UBE2E3: variants seen among roughly 807,000 people sequenced by gnomAD.
The protein encoded by UBE2E3 is ubiquitin conjugating enzyme E2 E3, also known as ubiquitin-conjugating enzyme E2 E3.
A neutral mutation model predicts 23.6 loss-of-function variants in UBE2E3; 5 were observed. The ratio of observed to expected loss-of-function variants is 0.21; its 90% CI spans 0.11 to 0.44. The LOEUF (loss-of-function observed/expected upper bound fraction) is 0.44, where lower values mean the gene tolerates loss of function less well. UBE2E3 is among the 20% of genes least tolerant of loss of function. The probability of loss-of-function intolerance (pLI) is 0.99; values close to 1 mark genes in which losing one functional copy is unlikely to be tolerated. For missense variants in UBE2E3, 81 were observed against 249.8 expected, an observed-to-expected ratio of 0.32 and a Z score of 4.55; for synonymous variants, 78 against 87.5, an observed-to-expected ratio of 0.89 and a Z score of 0.60.
intron 3 of UBE2E3, among the ~76,000 whole-genome samples, chr2:181,046,064 C>T (rs182599426): frequency 6.6e-6 from 1 of 152,236 alleles, no homozygotes; most frequent in Admixed American, 6.5e-5. Flanking sequence ...CTGTTCATCA[C>T]TGTATTTTCA....
chr2:181,036,533 G>C (rs115632917), intron 3 of UBE2E3, among the ~76,000 whole-genome samples: 2 of 152,186 alleles, frequency 1.3e-5, no homozygotes, highest in African/African-American at 4.8e-5. Flanking sequence ...TTTCAGAGAT[G>C]TGCATGTTAA....
intron 2 of UBE2E3, among the ~76,000 whole-genome samples, chr2:180,982,790 A>G (rs1684343743): frequency 3.3e-5 from 5 of 152,214 alleles, no homozygotes; most frequent in Admixed American, 3.3e-4. Flanking sequence ...TCCTGGTTAA[A>G]TTATGATTAT....
chr2:181,041,707 ATTG>A (rs1559132463), intron 3 of UBE2E3, among the ~76,000 whole-genome samples: 74 of 8,150 alleles, frequency 9.1e-3, no homozygotes, highest in African/African-American at 0.055. Context: ...GAGTGCTGGG[ATTG>A]ATTACAGGTG....
intron 3 of UBE2E3, among the ~76,000 whole-genome samples, chr2:181,029,812 G>C (rs922433310): frequency 6.7e-6 from 1 of 149,238 alleles, no homozygotes; most frequent in African/African-American, 2.5e-5. Context: ...TGTTTGAAAA[G>C]GTATTCTTTA....
At chr2:181,018,426 A>T (rs1448477802) in intron 3 of UBE2E3, among the ~76,000 whole-genome samples, 1 of 151,972 alleles carries the variant, frequency 6.6e-6, no homozygotes, top group Non-Finnish European at 1.5e-5. Flanking sequence ...GTGTATACAT[A>T]TATATTTGGC....
intron 3 of UBE2E3, among the ~76,000 whole-genome samples, chr2:180,991,948 C>T (rs1052339048): frequency 3.9e-5 from 6 of 152,190 alleles, no homozygotes; most frequent in African/African-American, 1.4e-4. Context: ...CCTAGAGTAG[C>T]TGGAACTGTG....
At chr2:180,989,068 TAATA>T (rs1293567508) in intron 3 of UBE2E3, among the ~76,000 whole-genome samples, 2 of 152,200 alleles carry the variant, frequency 1.3e-5, no homozygotes, top group East Asian at 3.8e-4. Context: ...GTTTTATTGT[TAATA>T]AATTCATTTT....
intron 3 of UBE2E3, among the ~76,000 whole-genome samples, chr2:181,034,351 G>A (rs1020360855): frequency 2.6e-5 from 4 of 152,126 alleles, no homozygotes; most frequent in Non-Finnish European, 4.4e-5. Flanking sequence ...GCAGCCATAA[G>A]AAAGGATGAG....
At chr2:181,044,352 CTA>C (rs1686607593) in intron 3 of UBE2E3, among the ~76,000 whole-genome samples, 1 of 152,032 alleles carries the variant, frequency 6.6e-6, no homozygotes, top group South Asian at 2.1e-4. Context: ...GATGAAATCT[CTA>C]AGCGATAAAT....
At chr2:181,055,982 G>A (rs1168972703) in intron 3 of UBE2E3, among the ~76,000 whole-genome samples, 1 of 150,718 alleles carries the variant, frequency 6.6e-6, no homozygotes, top group Non-Finnish European at 1.5e-5. Context: ...CTCAGATCTT[G>A]GTTTTTCTTA....
At chr2:181,030,229 TTATC>T (rs1686033913) in intron 3 of UBE2E3, among the ~76,000 whole-genome samples, 1 of 152,146 alleles carries the variant, frequency 6.6e-6, no homozygotes, top group Admixed American at 6.5e-5. Flanking sequence ...AATGAATACT[TTATC>T]TACTAAAGTA....
In UBE2E3 at chr2:180,982,208, A is replaced by G; in HGVS notation, c.166A>G (p.Thr56Ala). The change falls in exon 2 of 6, where the codon ACT becomes GCT. Residue 56 changes from threonine (T) to alanine (A), a missense_variant. Coordinates refer to ENST00000410062, the MANE Select transcript of UBE2E3 (RefSeq NM_006357.4). Reference sequence around the variant, plus strand: ...AAACACCAAACTCTCTAGCAAAACCACTGCTAAGTTATCCACTAGTGCTAA... The same window carrying G: ...AAACACCAAACTCTCTAGCAAAACCGCTGCTAAGTTATCCACTAGTGCTAA... ...KKNTKLSSKT[T>A]AKLSTSAKRI... is the part of the protein sequence containing the mutation. 2 of 1,611,576 alleles carry G rather than the reference A, an allele frequency of 1.2e-6. No individual in the cohort carries two copies. The highest frequency in any genetic ancestry group is 1.7e-6 in the Non-Finnish European group (2 of 1,179,134).
chr2:180,981,810 CTAACTTGAGTTCGGCAAATCCCT>C (rs1171140565), intron 1 of UBE2E3, among the ~76,000 whole-genome samples, 185 bp from the exon 2 acceptor site: 5 of 152,204 alleles, frequency 3.3e-5, no homozygotes, highest in African/African-American at 1.2e-4. Flanking sequence ...AGTGGGTTTT[CTAACTTGAGTTCGGCAAATCCCT>C]TAACGCTGGC....
At chr2:181,033,889 A>G (rs1415204675) in intron 3 of UBE2E3, among the ~76,000 whole-genome samples, 1 of 152,234 alleles carries the variant, frequency 6.6e-6, no homozygotes, top group Admixed American at 6.5e-5. Flanking sequence ...CACTTCTCAA[A>G]AGAAGACATT....
At chr2:181,041,234 C>CAAAAAAAAAGAAAAAA (rs1686490299) in intron 3 of UBE2E3, among the ~76,000 whole-genome samples, 1 of 77,196 alleles carries the variant, frequency 1.3e-5, no homozygotes, top group African/African-American at 5.3e-5. Context: ...GACTCCGTCT[C>CAAAAAAAAAGAAAAAA]AAAAAAAAAA....
Position 181,050,049 on chromosome 2 carries a change from A to C in UBE2E3, c.246-7644A>C, listed in dbSNP as rs554379002. On this transcript the variant is annotated intron_variant, in intron 3 of 5. Transcript: ENST00000410062. ...ATTTACAAAAAGGCCAATAAGTTAC[A>C]CAAGCATTTGTAGTAATTTATGTAA... Among the ~76,000 whole-genome samples, 8 of 152,126 alleles carry C rather than the reference A, an allele frequency of 5.3e-5. No homozygotes were observed. The East Asian group carries it at 5.8e-4, about 11-fold the overall frequency.
At chr2:181,009,235 A>G (rs774076079) in intron 3 of UBE2E3, among the ~76,000 whole-genome samples, 36 of 152,076 alleles carry the variant, frequency 2.4e-4, no homozygotes, top group Non-Finnish European at 7.4e-5. Context: ...AATATTTTTG[A>G]TGCTAAGAGA....
intron 3 of UBE2E3, among the ~76,000 whole-genome samples, chr2:181,038,590 A>C (rs1242699007): frequency 1.3e-5 from 2 of 152,238 alleles, no homozygotes; most frequent in Admixed American, 6.5e-5. Context: ...AAAAGCAAGA[A>C]ATAAAATAAT....
chr2:180,992,306 A>G (rs1376069385), intron 3 of UBE2E3, among the ~76,000 whole-genome samples: 2 of 152,210 alleles, frequency 1.3e-5, no homozygotes, highest in African/African-American at 4.8e-5. Context: ...CACAGAAAGG[A>G]AGATAATCTT....
Sources: gnomAD v4.1 joint callset for allele counts (sites outside exome capture counted in the v4.1 genomes callset) on GRCh38, gnomAD v4.1.1 for gene constraint, MANE v1.5 for transcripts, NCBI Gene and HGNC (gene_info 2026-07-23, HGNC 2026-07-21) for gene names.